The following SORL1 variants were observed in gnomAD, a reference collection of about 807,000 sequenced individuals.
SORL1 encodes the protein sortilin-related receptor.
In SORL1, 127 loss-of-function variants were observed where a neutral mutation model predicts 273.7. The ratio of observed to expected loss-of-function variants is 0.46; its 90% CI spans 0.40 to 0.54. The LOEUF (loss-of-function observed/expected upper bound fraction) is 0.54. Among genes scored for constraint, SORL1 ranks in the 20% least tolerant of loss-of-function variants. SORL1 has a pLI of 0.00. For synonymous variants in SORL1, 1,031 were observed against 1,067.4 expected (o/e 0.97, Z 0.66); for missense variants, 2,494 against 2,846.1 (o/e 0.88, Z 2.81).
chr11:121,583,828 C>T (rs200896429), intron 26 of SORL1, among the ~76,000 whole-genome samples: 5 of 152,298 alleles, frequency 3.3e-5, no homozygotes, highest in East Asian at 3.9e-4. Flanking sequence ...AATGCTGCCA[C>T]GTAAACAAAA....
chr11:121,482,292 TG>T (rs1026496793), intron 3 of SORL1, among the ~76,000 whole-genome samples: 43 of 152,220 alleles, frequency 2.8e-4, no homozygotes, highest in African/African-American at 9.9e-4. Context: ...CACTGTGGAA[TG>T]GGGGTGACAT....
At chr11:121,619,393 G>A (rs1275307307) in intron 42 of SORL1, among the ~76,000 whole-genome samples, 3 of 152,084 alleles carry the variant, frequency 2.0e-5, no homozygotes, top group Admixed American at 1.3e-4. Context: ...AAATCTCTAC[G>A]CTATATTATT....
intron 1 of SORL1, among the ~76,000 whole-genome samples, chr11:121,453,388 C>T (rs1860844213): frequency 6.6e-6 from 1 of 152,122 alleles, no homozygotes; most frequent in Non-Finnish European, 1.5e-5. Flanking sequence ...CTTTTATGGT[C>T]AGACTTACTG....
At position 121,522,950 on chromosome 11, in the gene SORL1, C is replaced by T. The variant is rs200411965; in HGVS notation, c.1557C>T (p.Asn519=). ...SVGKNLASKT[N]VYISSSAGAR... The stretch of plus-strand genomic sequence containing the variant: ...GAAAGAACTTGGCTAGCAAGACAAA[C>T]GTGTACATCTCTAGCAGTGCTGGAG... Residue 519 remains asparagine (N), a synonymous_variant, in exon 11 of 48, where the codon AAC becomes AAT. Transcript: ENST00000260197. 387 of 1,613,908 alleles carry T rather than the reference C, an allele frequency of 2.4e-4. No individual in the cohort carries two copies. The highest frequency in any genetic ancestry group is 5.0e-4 in the Middle Eastern group (3 of 6,050).
At chr11:121,481,744 C>T (rs1195524700) in intron 3 of SORL1, among the ~76,000 whole-genome samples, 1 of 143,228 alleles carries the variant, frequency 7.0e-6, no homozygotes, top group African/African-American at 2.7e-5. Context: ...CCAGCTCCTC[C>T]CCTAGTGCAC....
intron 13 of SORL1, 148 bp from the exon 14 acceptor site, chr11:121,545,095 A>C: frequency 2.9e-6 from 2 of 694,304 alleles, no homozygotes; most frequent in Non-Finnish European, 4.9e-6. Context: ...GCCCAGCTTC[A>C]AAACAAGCTG....
intron 1 of SORL1, among the ~76,000 whole-genome samples, chr11:121,463,614 C>G (rs1169326851): frequency 6.6e-6 from 1 of 152,146 alleles, no homozygotes; most frequent in African/African-American, 2.4e-5. Flanking sequence ...AAGTTCTAGT[C>G]CAAGGTTATT....
At chr11:121,464,274 C>T (rs1861049343) in intron 1 of SORL1, among the ~76,000 whole-genome samples, 1 of 151,842 alleles carries the variant, frequency 6.6e-6, no homozygotes, top group African/African-American at 2.4e-5. Flanking sequence ...ATTCAGTGGC[C>T]CCACCTCCTG....
chr11:121,558,635 A>G lies in SORL1; in HGVS notation c.2708A>G (p.Tyr903Cys). The G allele has an allele frequency of 6.2e-7, 1 of 1,614,118 alleles. No individual in the cohort carries two copies. Among genetic ancestry groups the G allele is most frequent in the Non-Finnish European group, 8.5e-7 (1 of 1,180,020 alleles). Residue 903 changes from tyrosine (Y) to cysteine (C), a missense_variant, in exon 20 of 48, where the codon TAT (tyrosine) becomes TGT (cysteine). Transcript: ENST00000260197. The stretch of plus-strand genomic sequence containing the variant: ...TGGGGAGACCTGAAGCCTGGGATTT[A>G]TCGGAGCAATATGGATGGTTCTGCT... Reference protein sequence around the residue: ...TDWGDLKPGIYRSNMDGSAAY... With the variant: ...TDWGDLKPGICRSNMDGSAAY...
intron 32 of SORL1, among the ~76,000 whole-genome samples, chr11:121,603,979 A>G (rs1863429970): frequency 6.6e-6 from 1 of 152,168 alleles, no homozygotes; most frequent in Non-Finnish European, 1.5e-5. Flanking sequence ...TTTGACTCCA[A>G]AGTGCTCACT....
At chr11:121,594,859 A>G (rs930760843) in intron 31 of SORL1, among the ~76,000 whole-genome samples, 1 of 151,952 alleles carries the variant, frequency 6.6e-6, no homozygotes, top group Non-Finnish European at 1.5e-5. Flanking sequence ...CCATGGGGGA[A>G]CTCTGAATCT....
intron 32 of SORL1, among the ~76,000 whole-genome samples, chr11:121,598,087 C>T (rs971701692): frequency 6.6e-6 from 1 of 152,010 alleles, no homozygotes; most frequent in African/African-American, 2.4e-5. Flanking sequence ...ATAGGGCGAC[C>T]CCTGTGCTTG....
At position 121,469,996 on chromosome 11, in the gene SORL1, A is replaced by G. The variant is rs372499441; in HGVS notation, c.286-11A>G. 1.3e-6 allele frequency: 2 copies of G among 1,578,442 alleles called. No homozygotes were observed. The highest frequency in any genetic ancestry group is 4.5e-5 in the East Asian group (2 of 44,728). On this transcript the variant is annotated splice_polypyrimidine_tract_variant and intron_variant, in intron 1 of 47. Transcript: ENST00000260197. The stretch of plus-strand genomic sequence containing the variant: ...ATCGTGGGTCCTAATTCCTACATTG[A>G]TCTCTTTCAGGTTAGTCTGAATGAT...
At position 121,496,848 on chromosome 11, in the gene SORL1, CTT is replaced by C. The variant is rs112421669; in HGVS notation, c.759-9_759-8del. 1.5e-3 allele frequency: 1,869 copies of C among 1,283,506 alleles called. No individual in the cohort carries two copies. The highest frequency in any genetic ancestry group is 5.9e-3 in the East Asian group (230 of 39,154). 79.5% of individuals were successfully genotyped at this position (1,283,506 alleles called of 1,614,324 possible). A position where few individuals can be genotyped will look rare whatever the true frequency, so the allele number is the denominator to read the frequency against. On this transcript the variant is annotated intron_variant, in intron 5 of 47. Coordinates refer to ENST00000260197, the MANE Select transcript of SORL1 (RefSeq NM_003105.6). ...AATTAAATGTGCAAATGATAACAACCTTTTTTTTTTTTTCTGCCAGGGGAATT... is the reference window on the plus strand; with the variant it reads ...AATTAAATGTGCAAATGATAACAACCTTTTTTTTTTTCTGCCAGGGGAATT...
At chr11:121,533,175 A>T (rs544938588) in intron 12 of SORL1, among the ~76,000 whole-genome samples, 1 of 152,296 alleles carries the variant, frequency 6.6e-6, no homozygotes, top group East Asian at 1.9e-4. Context: ...AATAATAATA[A>T]TAATACATCA....
intron 14 of SORL1, 44 bp downstream of exon 14, chr11:121,545,473 C>T (rs557361694): frequency 6.3e-7 from 1 of 1,581,986 alleles, no homozygotes; most frequent in Admixed American, 1.7e-5. Flanking sequence ...GTGTTTTATT[C>T]ACTCAGCAGT....
At position 121,452,459 on chromosome 11, in the gene SORL1, C is replaced by A; in HGVS notation, c.128C>A (p.Pro43His). The A allele has an allele frequency of 6.6e-7, 1 of 1,508,814 alleles. No homozygotes were observed. Among genetic ancestry groups the A allele is most frequent in the African/African-American group, 1.4e-5 (1 of 69,100 alleles). 93.5% of individuals were successfully genotyped at this position (1,508,814 alleles called of 1,614,324 possible). Reference sequence around the variant, plus strand: ...CTGCACGGCGGCAGCGCGCCCTTGCCCCAGGACCGGGGCTTCCTCGTGGTG... The same window carrying A: ...CTGCACGGCGGCAGCGCGCCCTTGCACCAGGACCGGGGCTTCCTCGTGGTG... The part of the protein sequence containing the change: ...QRLHGGSAPL[P>H]QDRGFLVVQG... The change falls in exon 1 of 48, where the codon CCC becomes CAC. Residue 43 changes from proline (P) to histidine (H), a missense_variant. Pro to His is a moderately conservative substitution (Grantham distance 77). Around this residue, in one of 3 missense-constraint regions of SORL1, gnomAD observed 175 missense variants for 147.1 expected, o/e 1.19. Transcript: ENST00000260197. The surrounding 1 kb of genome is among the most constrained non-coding windows in gnomAD (Gnocchi z 5.3).
At chr11:121,480,969 T>C (rs968252548) in intron 3 of SORL1, among the ~76,000 whole-genome samples, 8 of 118,328 alleles carry the variant, frequency 6.8e-5, no homozygotes, top group Non-Finnish European at 1.4e-4. Flanking sequence ...ATAGGCAAGC[T>C]CCATCTCCTC....
intron 1 of SORL1, among the ~76,000 whole-genome samples, chr11:121,465,348 A>T (rs560996543): frequency 6.6e-6 from 1 of 152,176 alleles, no homozygotes; most frequent in Admixed American, 6.5e-5. Context: ...ATATATCATC[A>T]GTATATCCTA....
Sources: gnomAD v4.1 joint callset for allele counts (sites outside exome capture counted in the v4.1 genomes callset) on GRCh38, gnomAD v4.1.1 for gene constraint, gnomAD v4.1.1 regional missense constraint, Gnocchi (gnomAD v3.1) non-coding constraint, MANE v1.5 for transcripts, NCBI Gene and HGNC (gene_info 2026-07-23, HGNC 2026-07-21) for gene names.